Variants in EFHD1 observed in about 807,000 individuals in gnomAD.
EFHD1 encodes EF-hand domain family member D1, also known as EF-hand domain-containing protein D1.
A neutral mutation model predicts 17.2 loss-of-function variants in EFHD1; 10 were observed. The observed-to-expected ratio is 0.58, with a 90% confidence interval of 0.36 to 0.99. The LOEUF is 0.99. Among genes scored for constraint, EFHD1 ranks in the 50% least tolerant of loss-of-function variants. The probability of loss-of-function intolerance (pLI) is 0.01; values close to 1 mark genes in which losing one functional copy is unlikely to be tolerated. For synonymous variants in EFHD1, 153 were observed against 142.0 expected (o/e 1.08, Z -0.55); for missense variants, 310 against 327.5 (o/e 0.95, Z 0.41).
chr2:232,666,393 A>T (rs76625384), intron 2 of EFHD1, among the ~76,000 whole-genome samples: 4,614 of 152,338 alleles, frequency 0.03, 239 homozygotes, highest in African/African-American at 0.11. Flanking sequence ...CCTGGAGTAT[A>T]GAAGGCAGAG....
intron 1 of EFHD1, chr2:232,638,170 G>A (rs1694352184): frequency 1.2e-5 from 4 of 347,226 alleles, no homozygotes; most frequent in African/African-American, 2.1e-5. Context: ...TGGCTGTAAC[G>A]TGAGCTGGTG....
At chr2:232,644,634 C>G (rs1401121907) in intron 1 of EFHD1, among the ~76,000 whole-genome samples, 1 of 151,854 alleles carries the variant, frequency 6.6e-6, no homozygotes, top group East Asian at 1.9e-4. Flanking sequence ...CTCAGCCTCC[C>G]GAGTAGCTGG....
chr2:232,631,266 C>T (rs1014838169), upstream of EFHD1, among the ~76,000 whole-genome samples: 5 of 151,182 alleles, frequency 3.3e-5, no homozygotes, highest in East Asian at 3.9e-4. Context: ...CAAAGTTTCT[C>T]TCTCTCTCTC....
intron 1 of EFHD1, chr2:232,638,163 C>A: frequency 2.9e-6 from 1 of 343,582 alleles, no homozygotes; most frequent in Non-Finnish European, 5.8e-6. Context: ...GTATCCGTGG[C>A]TGTAACGTGA....
intron 1 of EFHD1, chr2:232,638,547 T>G (rs1421685732): frequency 2.2e-6 from 1 of 448,972 alleles, no homozygotes; most frequent in African/African-American, 2.1e-5. Flanking sequence ...CTTTTTCTCC[T>G]CCTTAGTCTT....
chr2:232,637,343 C>CTTT (rs575182576), intron 1 of EFHD1, among the ~76,000 whole-genome samples: 11 of 127,684 alleles, frequency 8.6e-5, no homozygotes, highest in Admixed American at 2.6e-4. Context: ...CATGGCCTTC[C>CTTT]TTTTTTTTTT....
intron 1 of EFHD1, among the ~76,000 whole-genome samples, chr2:232,648,463 A>G (rs1311024216): frequency 6.6e-6 from 1 of 151,844 alleles, no homozygotes; most frequent in African/African-American, 2.4e-5. Flanking sequence ...GGGAGGACCC[A>G]CCCAACCAGA....
chr2:232,610,570 C>A (rs1259161238), intron 1 of EFHD1, among the ~76,000 whole-genome samples: 1 of 150,908 alleles, frequency 6.6e-6, no homozygotes, highest in Admixed American at 6.6e-5. Flanking sequence ...ACTCCGTCCC[C>A]CCGCCCCGAA....
At chr2:232,636,482 G>T (rs533971338) in intron 1 of EFHD1, among the ~76,000 whole-genome samples, 3 of 152,174 alleles carry the variant, frequency 2.0e-5, no homozygotes, top group African/African-American at 7.2e-5. Flanking sequence ...AAGGCCAGGT[G>T]GATTTTAGCC....
chr2:232,634,582 G>T (rs546836015), intron 1 of EFHD1, among the ~76,000 whole-genome samples: 11 of 152,296 alleles, frequency 7.2e-5, no homozygotes, highest in East Asian at 5.8e-4. Flanking sequence ...GCGCGGGGAG[G>T]GGGGGCGGTT....
intron 1 of EFHD1, among the ~76,000 whole-genome samples, chr2:232,641,410 G>A: frequency 6.6e-6 from 1 of 152,186 alleles, no homozygotes; most frequent in Non-Finnish European, 1.5e-5. Context: ...TCACTGGAAG[G>A]GAGGTACTCT....
intron 1 of EFHD1, among the ~76,000 whole-genome samples, chr2:232,644,311 C>T (rs1006369785): frequency 5.3e-5 from 8 of 152,036 alleles, no homozygotes; most frequent in Non-Finnish European, 7.4e-5. Flanking sequence ...GTGCCATGCC[C>T]CTGATTTCGT....
chr2:232,617,286 G>A (rs1023838910), intron 1 of EFHD1, among the ~76,000 whole-genome samples: 3 of 152,176 alleles, frequency 2.0e-5, no homozygotes, highest in East Asian at 1.9e-4. Context: ...TGCAATGTAC[G>A]TACTTTAACA....
intron 1 of EFHD1, among the ~76,000 whole-genome samples, chr2:232,635,541 G>A (rs148867600): frequency 4.5e-4 from 69 of 152,258 alleles, no homozygotes; most frequent in African/African-American, 1.6e-3. Context: ...AAGGGGAGCC[G>A]GGCACAGTGG....
intron 1 of EFHD1, among the ~76,000 whole-genome samples, chr2:232,613,685 T>C (rs796502427): frequency 9.1e-4 from 25 of 27,520 alleles, no homozygotes; most frequent in Admixed American, 3.3e-3. Context: ...TATACACACA[T>C]ACACAAATAT....
At chr2:232,650,334 G>A in intron 1 of EFHD1, among the ~76,000 whole-genome samples, 1 of 113,166 alleles carries the variant, frequency 8.8e-6, no homozygotes, top group Non-Finnish European at 1.8e-5. Flanking sequence ...CATTCTCATT[G>A]TCCAGGCTGG....
chr2:232,647,918 T>G (rs1489865585), intron 1 of EFHD1, among the ~76,000 whole-genome samples: 1 of 152,014 alleles, frequency 6.6e-6, no homozygotes, highest in African/African-American at 2.4e-5. Context: ...ATTACAGGCA[T>G]GAGCCACTGC....
At chr2:232,617,876 G>A (rs1693956706) in intron 1 of EFHD1, among the ~76,000 whole-genome samples, 1 of 151,130 alleles carries the variant, frequency 6.6e-6, no homozygotes, top group African/African-American at 2.4e-5. Context: ...TTGAACCTGG[G>A]AGGCAGAGGT....
intron 1 of EFHD1, among the ~76,000 whole-genome samples, chr2:232,627,948 C>T (rs567227255): frequency 8.5e-5 from 13 of 152,070 alleles, no homozygotes; most frequent in African/African-American, 3.1e-4. Context: ...GTTGTAAAAC[C>T]ATCGTCACTA....
Sources: gnomAD v4.1 joint callset for allele counts (sites outside exome capture counted in the v4.1 genomes callset) on GRCh38, gnomAD v4.1.1 for gene constraint, MANE v1.5 for transcripts, NCBI Gene and HGNC (gene_info 2026-07-23, HGNC 2026-07-21) for gene names.